The following MAF variants were observed in gnomAD, a reference collection of about 807,000 sequenced individuals.
MAF encodes the protein MAF bZIP transcription factor.
In MAF, 10 loss-of-function variants were observed where a neutral mutation model predicts 22.0. That is an observed-to-expected ratio of 0.45 (90% CI 0.28 to 0.77). The LOEUF (loss-of-function observed/expected upper bound fraction) is 0.77, where lower values mean the gene tolerates loss of function less well. Ranked by LOEUF, MAF falls within the 30% of genes least tolerant of loss-of-function variation. MAF has a pLI of 0.12. For synonymous variants in MAF, 337 were observed against 255.8 expected (o/e 1.32, Z -3.03); for missense variants, 544 against 548.4 (o/e 0.99, Z 0.08).
the MAF span, among the ~76,000 whole-genome samples, chr16:79,475,231 G>C: frequency 9.9e-5 from 15 of 151,860 alleles, no homozygotes; most frequent in African/African-American, 3.4e-4. Flanking sequence ...GCCAGGTATG[G>C]TCCTAGGTAC....
At chr16:79,289,162 T>C in the MAF span, among the ~76,000 whole-genome samples, 2 of 152,134 alleles carry the variant, frequency 1.3e-5, no homozygotes, top group African/African-American at 2.4e-5. Flanking sequence ...ATTCTCAAGA[T>C]TGTGGAGAAA....
the MAF span, among the ~76,000 whole-genome samples, chr16:79,279,078 T>A: frequency 6.6e-6 from 1 of 152,148 alleles, no homozygotes; most frequent in Non-Finnish European, 1.5e-5. Flanking sequence ...AATTCTCACC[T>A]CCAGCTGCTC....
At chr16:79,435,822 A>G in the MAF span, among the ~76,000 whole-genome samples, 10 of 152,178 alleles carry the variant, frequency 6.6e-5, no homozygotes, top group Non-Finnish European at 1.3e-4. Flanking sequence ...AAAAGCATGA[A>G]CTTGAACTCG....
At chr16:79,397,600 C>A in the MAF span, among the ~76,000 whole-genome samples, 4 of 152,116 alleles carry the variant, frequency 2.6e-5, no homozygotes, top group Non-Finnish European at 5.9e-5. Context: ...TGGATGTAAC[C>A]GGCTGGTTGC....
At chr16:79,397,476 T>A in the MAF span, among the ~76,000 whole-genome samples, 9 of 152,248 alleles carry the variant, frequency 5.9e-5, no homozygotes, top group Admixed American at 6.5e-5. Context: ...GCCAGAATGT[T>A]CTTTTTTAGA....
chr16:79,302,809 C>T, the MAF span, among the ~76,000 whole-genome samples: 1 of 152,230 alleles, frequency 6.6e-6, no homozygotes, highest in African/African-American at 2.4e-5. Flanking sequence ...TCAGCATTGC[C>T]ACCAGTGTGC....
At chr16:79,432,265 GT>G in the MAF span, among the ~76,000 whole-genome samples, 1 of 152,110 alleles carries the variant, frequency 6.6e-6, no homozygotes, top group African/African-American at 2.4e-5. Context: ...ATGATTGTAA[GT>G]TTCCTGAGGC....
chr16:79,399,951 ACTT>A, the MAF span, among the ~76,000 whole-genome samples: 1 of 152,200 alleles, frequency 6.6e-6, no homozygotes. Context: ...CCAAATGTAA[ACTT>A]AACCCTGGCA....
the MAF span, among the ~76,000 whole-genome samples, chr16:79,399,324 C>T: frequency 6.6e-6 from 1 of 152,126 alleles, no homozygotes; most frequent in Non-Finnish European, 1.5e-5. Context: ...ATTAAGTGCT[C>T]AATTATTATT....
At chr16:79,334,134 A>G in the MAF span, among the ~76,000 whole-genome samples, 9 of 152,232 alleles carry the variant, frequency 5.9e-5, no homozygotes, top group African/African-American at 1.9e-4. Context: ...TGTTCACCAA[A>G]GACACATTCA....
the MAF span, among the ~76,000 whole-genome samples, chr16:79,450,874 C>T: frequency 2.6e-5 from 4 of 151,282 alleles, no homozygotes; most frequent in African/African-American, 9.7e-5. Flanking sequence ...CCAAGCAGCA[C>T]AGAAGAAATT....
the MAF span, among the ~76,000 whole-genome samples, chr16:79,216,659 A>G: frequency 2.6e-4 from 39 of 152,274 alleles, no homozygotes; most frequent in Admixed American, 2.4e-3. Context: ...TGTTCAATAC[A>G]TTAGGTGTAT....
the MAF span, among the ~76,000 whole-genome samples, chr16:79,249,509 G>A: frequency 6.6e-6 from 1 of 151,754 alleles, no homozygotes; most frequent in South Asian, 2.1e-4. Flanking sequence ...TGGGGAACAG[G>A]CCCTCACCAG....
chr16:79,365,175 G>GAATT, the MAF span, among the ~76,000 whole-genome samples: 1 of 152,160 alleles, frequency 6.6e-6, no homozygotes, highest in African/African-American at 2.4e-5. Context: ...TGCTTCCAGT[G>GAATT]AATTATTTTA....
the MAF span, among the ~76,000 whole-genome samples, chr16:79,490,821 G>A: frequency 6.6e-6 from 1 of 152,168 alleles, no homozygotes. Context: ...ATTTCTAACT[G>A]TCCAGGTCTC....
the MAF span, among the ~76,000 whole-genome samples, chr16:79,380,969 G>A: frequency 3.2e-4 from 49 of 152,380 alleles, 1 homozygote; most frequent in South Asian, 8.7e-3. Flanking sequence ...TGGGAATGAA[G>A]TCTCTCCCCT....
At chr16:79,427,344 C>T in the MAF span, among the ~76,000 whole-genome samples, 23,931 of 152,274 alleles carry the variant, frequency 0.16, 1,945 homozygotes, top group South Asian at 0.29. Flanking sequence ...CTGCCATATC[C>T]TGGGGTGCCC....
the MAF span, among the ~76,000 whole-genome samples, chr16:79,349,992 A>C: frequency 6.6e-6 from 1 of 152,162 alleles, no homozygotes; most frequent in African/African-American, 2.4e-5. Context: ...TCCTCCTTTA[A>C]GGCACAATGA....
the MAF span, among the ~76,000 whole-genome samples, chr16:79,551,930 G>A: frequency 0.012 from 1,810 of 152,104 alleles, 30 homozygotes; most frequent in African/African-American, 0.042. Context: ...TTAGAGGACT[G>A]GGCCTGGCCT....
Sources: gnomAD v4.1 joint callset for allele counts (sites outside exome capture counted in the v4.1 genomes callset) on GRCh38, gnomAD v4.1.1 for gene constraint, MANE v1.5 for transcripts, NCBI Gene and HGNC (gene_info 2026-07-23, HGNC 2026-07-21) for gene names.